Variants in SLC26A7 observed in about 807,000 individuals in gnomAD.
The protein encoded by SLC26A7 is solute carrier family 26 member 7.
SLC26A7 carries 59 observed loss-of-function variants against 82.5 expected under a neutral mutation model. That is an observed-to-expected ratio of 0.72 (90% CI 0.58 to 0.89). SLC26A7 has a LOEUF of 0.89. Ranked by LOEUF, SLC26A7 falls within the 40% of genes least tolerant of loss-of-function variation. The pLI, the probability that SLC26A7 is intolerant of heterozygous loss-of-function variation, is 0.00. For missense variants in SLC26A7, 820 were observed against 793.0 expected, an observed-to-expected ratio of 1.03 and a Z score of -0.41; for synonymous variants, 271 against 274.3, an observed-to-expected ratio of 0.99 and a Z score of 0.12.
chr8:91,334,328 G>A lies in SLC26A7; in HGVS notation c.676G>A (p.Val226Met). 1 of 1,612,976 alleles carries A rather than the reference G, an allele frequency of 6.2e-7. No individual in the cohort carries two copies. Among genetic ancestry groups the A allele is most frequent in the Non-Finnish European group, 8.5e-7 (1 of 1,179,362 alleles). Residue 226 changes from valine to methionine, a missense_variant, in exon 6 of 19, where the codon GTG becomes ATG. By Grantham distance (21) the Val-to-Met change is conservative (BLOSUM62 1). Coordinates refer to ENST00000276609, the MANE Select transcript of SLC26A7 (RefSeq NM_052832.4). Reference sequence around the variant, plus strand: ...ATATGTTTTTGAAAACATCAAGTCTGTGCGACTGGAAGCATTGCTTTTATC... The same window carrying A: ...ATATGTTTTTGAAAACATCAAGTCTATGCGACTGGAAGCATTGCTTTTATC... ...YAYVFENIKS[V>M]RLEALLLSLL...
chr8:91,287,554 C>G (rs1032091362), intron 2 of SLC26A7, among the ~76,000 whole-genome samples: 3 of 152,192 alleles, frequency 2.0e-5, no homozygotes, highest in African/African-American at 7.2e-5. Context: ...GGAGCTTTTG[C>G]TAAATATGCC....
At chr8:91,332,027 T>C (rs1813095243) in intron 5 of SLC26A7, among the ~76,000 whole-genome samples, 1 of 151,272 alleles carries the variant, frequency 6.6e-6, no homozygotes, top group South Asian at 2.1e-4. Context: ...TAACCTCTTT[T>C]GATCTAGAAT....
intron 6 of SLC26A7, 35 bp downstream of exon 6, chr8:91,334,482 G>A (rs746384857): frequency 2.0e-5 from 32 of 1,580,656 alleles, no homozygotes; most frequent in Non-Finnish European, 2.3e-5. Flanking sequence ...TTTTTGCCAT[G>A]CAAAGCTTTC....
At chr8:91,391,647 G>T (rs1028598428) in intron 16 of SLC26A7, among the ~76,000 whole-genome samples, 1 of 152,112 alleles carries the variant, frequency 6.6e-6, no homozygotes, top group African/African-American at 2.4e-5. Context: ...AAGTCTACAA[G>T]AGTCTCTTAT....
intron 2 of SLC26A7, among the ~76,000 whole-genome samples, chr8:91,237,226 G>A (rs751936202): frequency 6.6e-6 from 1 of 152,146 alleles, no homozygotes; most frequent in Non-Finnish European, 1.5e-5. Context: ...TTTACTGTAT[G>A]TCTCATGCAA....
rs548765534 is a variant in SLC26A7, at chr8:91,210,225, T to C, written c.-150+683T>C. On this transcript the variant is annotated intron_variant, in intron 1 of 5. Transcript: ENST00000522862. Reference sequence around the variant, plus strand: ...GTAACTAAGACTAAGCAAAGTTAAGTAGTTTGTTCACAAATTTCAAATCTA... The same window carrying C: ...GTAACTAAGACTAAGCAAAGTTAAGCAGTTTGTTCACAAATTTCAAATCTA... 9.3e-4 allele frequency among the ~76,000 whole-genome samples: 142 copies of C among 152,290 alleles called. 3 individuals are homozygous for C. The highest frequency in any genetic ancestry group is 1.0e-3 in the Non-Finnish European group (71 of 68,006).
intron 2 of SLC26A7, among the ~76,000 whole-genome samples, chr8:91,256,522 A>G (rs1288374592): frequency 1.2e-4 from 19 of 152,086 alleles, no homozygotes; most frequent in Admixed American, 1.2e-3. Context: ...GGAAGCCAAA[A>G]CTTCCTTCAT....
intron 2 of SLC26A7, among the ~76,000 whole-genome samples, chr8:91,284,452 GT>G: frequency 6.6e-6 from 1 of 152,300 alleles, no homozygotes; most frequent in East Asian, 1.9e-4. Flanking sequence ...GTTTCTTTTT[GT>G]GGAAACTTAA....
intron 11 of SLC26A7, among the ~76,000 whole-genome samples, chr8:91,358,849 C>T (rs972049279): frequency 6.6e-6 from 1 of 152,066 alleles, no homozygotes; most frequent in African/African-American, 2.4e-5. Flanking sequence ...CCAAACACCA[C>T]ATGTTCTCAC....
intron 4 of SLC26A7, among the ~76,000 whole-genome samples, chr8:91,306,912 T>G (rs1006176864): frequency 4.0e-5 from 6 of 151,262 alleles, no homozygotes; most frequent in African/African-American, 1.5e-4. Flanking sequence ...GACAAAGGGC[T>G]AATATCCAGA....
intron 2 of SLC26A7, among the ~76,000 whole-genome samples, chr8:91,287,611 C>T (rs921250743): frequency 1.3e-5 from 2 of 152,138 alleles, no homozygotes; most frequent in Non-Finnish European, 2.9e-5. Context: ...TTATAAAGTG[C>T]GAGCTACATT....
intron 4 of SLC26A7, among the ~76,000 whole-genome samples, chr8:91,305,344 T>A (rs1812276475): frequency 6.6e-6 from 1 of 152,194 alleles, no homozygotes; most frequent in Non-Finnish European, 1.5e-5. Flanking sequence ...TCTAATTTGC[T>A]CATGGTTATT....
chr8:91,337,089 G>A (rs1161274130), intron 6 of SLC26A7, among the ~76,000 whole-genome samples: 1 of 151,630 alleles, frequency 6.6e-6, no homozygotes, highest in Non-Finnish European at 1.5e-5. Context: ...CACCTTTATG[G>A]TTTTTGTTCC....
intron 1 of SLC26A7, among the ~76,000 whole-genome samples, chr8:91,211,744 G>A (rs1191307956): frequency 1.3e-5 from 2 of 151,562 alleles, no homozygotes; most frequent in African/African-American, 4.8e-5. Flanking sequence ...ATCAGGAAGG[G>A]AGAACATATT....
chr8:91,238,844 G>A (rs909445265), intron 2 of SLC26A7, among the ~76,000 whole-genome samples: 1 of 151,798 alleles, frequency 6.6e-6, no homozygotes, highest in Admixed American at 6.6e-5. Flanking sequence ...ACGTTTATAG[G>A]GTAGAAGACG....
intron 11 of SLC26A7, among the ~76,000 whole-genome samples, chr8:91,361,346 C>G (rs887356760): frequency 6.6e-5 from 10 of 152,152 alleles, no homozygotes; most frequent in African/African-American, 1.9e-4. Flanking sequence ...AGATTGTATG[C>G]TATTTTTAGA....
At chr8:91,342,139 C>T (rs1400758144) in intron 8 of SLC26A7, among the ~76,000 whole-genome samples, 1 of 151,716 alleles carries the variant, frequency 6.6e-6, no homozygotes, top group Admixed American at 6.6e-5. Flanking sequence ...CTGTGTTGCT[C>T]AGGCTGGTCT....
intron 2 of SLC26A7, among the ~76,000 whole-genome samples, chr8:91,285,538 G>T (rs928000159): frequency 6.6e-6 from 1 of 152,164 alleles, no homozygotes; most frequent in Non-Finnish European, 1.5e-5. Context: ...AGGTACTCAG[G>T]GTTAGGAGTT....
chr8:91,249,983 T>C (rs1348402129), intron 2 of SLC26A7, 139 bp downstream of exon 2: 1 of 604,676 alleles, frequency 1.7e-6, no homozygotes, highest in Non-Finnish European at 2.5e-6. Context: ...ATATTGGATA[T>C]ATTTGGAGAA....
Sources: gnomAD v4.1 joint callset for allele counts (sites outside exome capture counted in the v4.1 genomes callset) on GRCh38, gnomAD v4.1.1 for gene constraint, MANE v1.5 for transcripts, NCBI Gene and HGNC (gene_info 2026-07-23, HGNC 2026-07-21) for gene names.